The following C1QTNF3 variants were observed in gnomAD, a reference collection of about 807,000 sequenced individuals.
C1QTNF3 encodes the protein complement C1q tumor necrosis factor-related protein 3.
Under a neutral mutation model 32.6 loss-of-function variants are expected in C1QTNF3, and 26 were observed. The observed-to-expected ratio is 0.80, with a 90% CI of 0.58 to 1.11. The LOEUF (loss-of-function observed/expected upper bound fraction) is 1.11, where lower values mean the gene tolerates loss of function less well. Ranked by LOEUF, C1QTNF3 falls within the 50% of genes least tolerant of loss-of-function variation. The pLI, the probability that C1QTNF3 is intolerant of heterozygous loss-of-function variation, is 0.00. For synonymous variants in C1QTNF3, 155 were observed against 146.0 expected, an observed-to-expected ratio of 1.06 and a Z score of -0.44; for missense variants, 362 against 398.2, an observed-to-expected ratio of 0.91 and a Z score of 0.77.
At chr5:34,214,013 G>A in the C1QTNF3 span, among the ~76,000 whole-genome samples, 8 of 149,140 alleles carry the variant, frequency 5.4e-5, no homozygotes, top group Non-Finnish European at 1.0e-4. Context: ...CTTTCACCAC[G>A]TTGGCCAGGC....
chr5:34,217,619 T>C, the C1QTNF3 span, among the ~76,000 whole-genome samples: 1 of 152,270 alleles, frequency 6.6e-6, no homozygotes, highest in Non-Finnish European at 1.5e-5. Context: ...CTTATGTTAA[T>C]ACAGCTATAT....
the C1QTNF3 span, among the ~76,000 whole-genome samples, chr5:34,099,329 A>AT: frequency 3.3e-5 from 5 of 152,214 alleles, no homozygotes; most frequent in Non-Finnish European, 5.9e-5. Flanking sequence ...TGTGAAATAT[A>AT]TATCACTAAA....
chr5:34,135,576 A>C, the C1QTNF3 span, among the ~76,000 whole-genome samples: 8 of 152,008 alleles, frequency 5.3e-5, no homozygotes, highest in African/African-American at 1.9e-4. Context: ...GTAAGCTCAA[A>C]ATACCAATGA....
chr5:34,169,347 T>C, the C1QTNF3 span, among the ~76,000 whole-genome samples: 2 of 152,070 alleles, frequency 1.3e-5, no homozygotes, highest in Non-Finnish European at 2.9e-5. Flanking sequence ...CTAATCTGCA[T>C]GTCCCTGATA....
At chr5:34,094,316 G>T in the C1QTNF3 span, among the ~76,000 whole-genome samples, 1 of 152,006 alleles carries the variant, frequency 6.6e-6, no homozygotes, top group Admixed American at 6.6e-5. Flanking sequence ...CAAAGTTTCT[G>T]GTAATACAGC....
chr5:34,163,105 T>G, the C1QTNF3 span, among the ~76,000 whole-genome samples: 5 of 152,312 alleles, frequency 3.3e-5, no homozygotes, highest in East Asian at 9.6e-4. Context: ...CATTGGCAGC[T>G]TCTGTGTCTT....
intron 5 of C1QTNF3, among the ~76,000 whole-genome samples, chr5:34,022,074 A>G (rs1461598586): frequency 6.6e-6 from 1 of 152,270 alleles, no homozygotes; most frequent in Non-Finnish European, 1.5e-5. Context: ...AAAGGCATGA[A>G]GACAAGGAAT....
At chr5:34,202,857 C>A in the C1QTNF3 span, among the ~76,000 whole-genome samples, 1 of 151,866 alleles carries the variant, frequency 6.6e-6, no homozygotes, top group Non-Finnish European at 1.5e-5. Context: ...AAACCTCTCT[C>A]AGCTTCAGTT....
the C1QTNF3 span, among the ~76,000 whole-genome samples, chr5:34,083,335 A>T: frequency 6.6e-6 from 1 of 151,846 alleles, no homozygotes; most frequent in East Asian, 1.9e-4. Context: ...GACTAAATTA[A>T]AAACTACAAT....
At chr5:34,024,628 A>G (rs542016086) in intron 4 of C1QTNF3, among the ~76,000 whole-genome samples, 1 of 152,346 alleles carries the variant, frequency 6.6e-6, no homozygotes, top group East Asian at 1.9e-4. Context: ...TGTCACTAAA[A>G]GTCTGTATCC....
At chr5:34,063,896 GA>G in the C1QTNF3 span, among the ~76,000 whole-genome samples, 1 of 152,184 alleles carries the variant, frequency 6.6e-6, no homozygotes, top group Non-Finnish European at 1.5e-5. Context: ...CAGGACCCAG[GA>G]GGTATGGGTC....
chr5:34,229,417 T>C, the C1QTNF3 span, among the ~76,000 whole-genome samples: 5 of 152,234 alleles, frequency 3.3e-5, no homozygotes, highest in South Asian at 4.2e-4. Context: ...CCAGAACCTA[T>C]TGATTATTAC....
At chr5:34,208,877 T>C in the C1QTNF3 span, among the ~76,000 whole-genome samples, 13 of 152,314 alleles carry the variant, frequency 8.5e-5, no homozygotes, top group African/African-American at 3.1e-4. Flanking sequence ...AACATATTTA[T>C]TGATGTGAAA....
chr5:34,093,877 T>C, the C1QTNF3 span, among the ~76,000 whole-genome samples: 4 of 152,158 alleles, frequency 2.6e-5, no homozygotes, highest in Non-Finnish European at 5.9e-5. Context: ...CGGGTAGGGA[T>C]ACCACACCCA....
At chr5:34,027,021 T>C (rs1308727561) in intron 4 of C1QTNF3, among the ~76,000 whole-genome samples, 3 of 152,360 alleles carry the variant, frequency 2.0e-5, no homozygotes, top group East Asian at 3.9e-4. Flanking sequence ...AATTTAGTCA[T>C]AGTATTGTAC....
At chr5:34,061,571 C>T in the C1QTNF3 span, among the ~76,000 whole-genome samples, 1 of 152,200 alleles carries the variant, frequency 6.6e-6, no homozygotes, top group African/African-American at 2.4e-5. Flanking sequence ...TGTTCCCAAA[C>T]CCCAATTCTT....
At chr5:34,147,904 G>A in the C1QTNF3 span, among the ~76,000 whole-genome samples, 3 of 152,316 alleles carry the variant, frequency 2.0e-5, no homozygotes, top group African/African-American at 7.2e-5. Context: ...CAGCGTGAGC[G>A]ACGCAGAAGA....
the C1QTNF3 span, among the ~76,000 whole-genome samples, chr5:34,052,707 C>T: frequency 6.6e-6 from 1 of 152,110 alleles, no homozygotes; most frequent in Non-Finnish European, 1.5e-5. Context: ...TGCCTGGCAC[C>T]CACTCACTGT....
chr5:34,116,405 T>C, the C1QTNF3 span, among the ~76,000 whole-genome samples: 2 of 152,180 alleles, frequency 1.3e-5, no homozygotes, highest in African/African-American at 4.8e-5. Context: ...TGTTCTATTC[T>C]CATTGAAAGA....
Sources: gnomAD v4.1 joint callset for allele counts (sites outside exome capture counted in the v4.1 genomes callset) on GRCh38, gnomAD v4.1.1 for gene constraint, MANE v1.5 for transcripts, NCBI Gene and HGNC (gene_info 2026-07-23, HGNC 2026-07-21) for gene names.